The following PDIA6 variants were observed in gnomAD, a reference collection of about 807,000 sequenced individuals.
The protein encoded by PDIA6 is protein disulfide-isomerase A6.
PDIA6 carries 29 observed loss-of-function variants against 58.4 expected under a neutral mutation model. That is an observed-to-expected ratio of 0.50 (90% CI 0.37 to 0.68). The LOEUF (loss-of-function observed/expected upper bound fraction) is 0.68, where lower values mean the gene tolerates loss of function less well. Ranked by LOEUF, PDIA6 falls within the 30% of genes least tolerant of loss-of-function variation. The pLI is 0.00. For synonymous variants in PDIA6, 192 were observed against 202.6 expected (o/e 0.95, Z 0.44); for missense variants, 480 against 551.0 (o/e 0.87, Z 1.29).
upstream of PDIA6, chr2:10,812,853 C>T (rs897193766): frequency 1.7e-6 from 2 of 1,163,092 alleles, no homozygotes; most frequent in East Asian, 4.1e-5. Flanking sequence ...CTCGCCAAGC[C>T]GTGGCTGCGG....
At chr2:10,807,713 T>C (rs553106983) in intron 1 of PDIA6, among the ~76,000 whole-genome samples, 28 of 152,376 alleles carry the variant, frequency 1.8e-4, no homozygotes, top group Non-Finnish European at 3.4e-4. Context: ...CTTTTTGGAA[T>C]AACTAAATGG....
At chr2:10,809,621 GGGA>G (rs1461881030) in intron 1 of PDIA6, among the ~76,000 whole-genome samples, 5 of 131,160 alleles carry the variant, frequency 3.8e-5, no homozygotes. Flanking sequence ...GCTTGAGCCT[GGGA>G]GGCAGAGCAA....
At position 10,802,610 on chromosome 2, in the gene PDIA6, A is replaced by G; in HGVS notation, c.50T>C (p.Val17Ala). Residue 17 changes from valine (V) to alanine (A), a missense_variant, in exon 2 of 13, where the codon GTG becomes GCG. Transcript: ENST00000272227. The part of the protein sequence containing the change: ...GLVSCTFFLA[V>A]NGLYSSSDDV... ...ATCACTAGAGGAATACAGACCATTC[A>G]CTGCCAGAAAGAAGGTACAGCTCAC... 6.8e-7 allele frequency: 1 copy of G among 1,478,614 alleles called. No homozygotes were observed. 91.6% of individuals were successfully genotyped at this position (1,478,614 alleles called of 1,614,324 possible).
chr2:10,832,279 A>C, exon 1 of PDIA6: 1 of 407,258 alleles, frequency 2.5e-6, no homozygotes, highest in Non-Finnish European at 3.3e-6. Context: ...CCCAAACTGC[A>C]AACCGCCCAA....
At chr2:10,793,050 G>A (rs760846505) in intron 5 of PDIA6, 46 bp downstream of exon 5, 7 of 1,274,976 alleles carry the variant, frequency 5.5e-6, no homozygotes, top group Non-Finnish European at 6.9e-6. Flanking sequence ...ATCCACTCTG[G>A]CTTCAAAATT....
chr2:10,812,956 T>A, upstream of PDIA6: 5 of 585,972 alleles, frequency 8.5e-6, no homozygotes, highest in Non-Finnish European at 1.2e-5. Context: ...ACGGGGGCGG[T>A]GGCGAGCAGC....
chr2:10,798,942 G>A (rs969095557), intron 2 of PDIA6, among the ~76,000 whole-genome samples: 14 of 152,148 alleles, frequency 9.2e-5, no homozygotes, highest in Non-Finnish European at 1.5e-4. Context: ...ATAAACCCAC[G>A]TTAGTGAGCC....
chr2:10,789,963 A>C, intron 7 of PDIA6, 74 bp from the exon 8 acceptor site: 1 of 1,381,628 alleles, frequency 7.2e-7, no homozygotes, highest in Middle Eastern at 1.9e-4. Context: ...ACAGTTTCTA[A>C]AACCACCTTA....
At chr2:10,795,839 C>A (rs911461114) in intron 4 of PDIA6, among the ~76,000 whole-genome samples, 2 of 152,266 alleles carry the variant, frequency 1.3e-5, no homozygotes, top group Admixed American at 1.3e-4. Context: ...GTTGATGCTG[C>A]CACCCAACCC....
At chr2:10,820,532 C>T (rs1455602577) in intron 1 of PDIA6, among the ~76,000 whole-genome samples, 1 of 152,154 alleles carries the variant, frequency 6.6e-6, no homozygotes, top group African/African-American at 2.4e-5. Flanking sequence ...GTTGGCATTC[C>T]CCTGTGTAAG....
At chr2:10,795,973 T>C (rs1666247920) in intron 4 of PDIA6, among the ~76,000 whole-genome samples, 1 of 152,214 alleles carries the variant, frequency 6.6e-6, no homozygotes, top group Non-Finnish European at 1.5e-5. Flanking sequence ...TTCAAACAAA[T>C]TATGCCCAAT....
intron 1 of PDIA6, among the ~76,000 whole-genome samples, chr2:10,826,426 C>G (rs1237341515): frequency 6.6e-6 from 1 of 152,052 alleles, no homozygotes; most frequent in Admixed American, 6.6e-5. Context: ...ATGGCGCAGT[C>G]TTGGCTCACT....
intron 2 of PDIA6, among the ~76,000 whole-genome samples, chr2:10,801,714 G>A (rs894955989): frequency 3.9e-5 from 6 of 152,192 alleles, no homozygotes; most frequent in Non-Finnish European, 7.3e-5. Context: ...GGTCCATGAG[G>A]ACTGGTGGTT....
At chr2:10,828,518 C>A (rs540932902) in intron 1 of PDIA6, among the ~76,000 whole-genome samples, 1 of 152,186 alleles carries the variant, frequency 6.6e-6, no homozygotes, top group Non-Finnish European at 1.5e-5. Context: ...GTCTGTCTCC[C>A]GCCCTCCTTG....
At chr2:10,814,852 C>A (rs981322550), upstream of PDIA6, among the ~76,000 whole-genome samples, 2 of 152,226 alleles carry the variant, frequency 1.3e-5, no homozygotes, top group Admixed American at 1.3e-4. Context: ...GGTAGCAATC[C>A]TGCTTGGAAC....
chr2:10,806,460 A>AG (rs1204131379), intron 1 of PDIA6, among the ~76,000 whole-genome samples: 2 of 138,986 alleles, frequency 1.4e-5, no homozygotes, highest in African/African-American at 3.2e-5. Flanking sequence ...CAAAAAGTTA[A>AG]AAAAAAAAAA....
At chr2:10,796,070 T>G (rs1666252263) in intron 4 of PDIA6, among the ~76,000 whole-genome samples, 1 of 151,466 alleles carries the variant, frequency 6.6e-6, no homozygotes, top group Non-Finnish European at 1.5e-5. Context: ...CTTTTTTTTT[T>G]TTTTTTTTTG....
At chr2:10,829,048 C>T (rs1327323669) in intron 1 of PDIA6, among the ~76,000 whole-genome samples, 1 of 152,236 alleles carries the variant, frequency 6.6e-6, no homozygotes, top group Non-Finnish European at 1.5e-5. Context: ...TGTCCAGGCA[C>T]TTTCCAGGAT....
At chr2:10,791,055 C>T (rs1446916711) in intron 6 of PDIA6, among the ~76,000 whole-genome samples, 2 of 152,206 alleles carry the variant, frequency 1.3e-5, no homozygotes, top group African/African-American at 4.8e-5. Context: ...CCATGTTGCC[C>T]AGGCTGGTCT....
Sources: gnomAD v4.1 joint callset for allele counts (sites outside exome capture counted in the v4.1 genomes callset) on GRCh38, gnomAD v4.1.1 for gene constraint, MANE v1.5 for transcripts, NCBI Gene and HGNC (gene_info 2026-07-23, HGNC 2026-07-21) for gene names.